Variants in CD99L2 observed in about 807,000 individuals in gnomAD.
The protein encoded by CD99L2 is CD99 molecule like 2, also known as CD99 antigen-like protein 2.
Under a neutral mutation model 27.3 loss-of-function variants are expected in CD99L2, and 24 were observed. That is an observed-to-expected ratio of 0.88 (90% confidence interval 0.64 to 1.24). The LOEUF is 1.24. Among genes scored for constraint, CD99L2 ranks in the 50% most tolerant of loss-of-function variants. The pLI is 0.00. For synonymous variants in CD99L2, 97 were observed against 87.9 expected, an observed-to-expected ratio of 1.10 and a Z score of -0.58; for missense variants, 255 against 221.6, an observed-to-expected ratio of 1.15 and a Z score of -0.96.
rs1293647436 is a variant in CD99L2 at position 150,850,184 on chromosome X, T to C, written c.68-18891A>G. 6.3e-5 allele frequency among the ~76,000 whole-genome samples: 7 copies of C among 111,579 alleles called. No individual in the cohort carries two copies. The East Asian group carries it at 2.0e-3, about 31-fold the overall frequency. On this transcript the variant is annotated intron_variant, in intron 1 of 10. Coordinates refer to ENST00000370377, the MANE Select transcript of CD99L2 (RefSeq NM_031462.4). ...AGATTGTTGAACATGCCTGATCAGG[T>C]TGGAGAGGGAAGCAGGAGGAGCCCA...
At chrX:150,897,971 C>T (rs1199593512) in intron 1 of CD99L2, among the ~76,000 whole-genome samples, 1 of 107,208 alleles carries the variant, frequency 9.3e-6, no homozygotes, top group African/African-American at 3.4e-5. Flanking sequence ...TCTCCTGCTC[C>T]TTGGCAAAAC....
At chrX:150,797,998 C>T (rs73609540) in intron 4 of CD99L2, among the ~76,000 whole-genome samples, 26,012 of 97,737 alleles carry the variant, frequency 0.27, 3,081 homozygotes, top group African/African-American at 0.38. Context: ...GCCGTGACCA[C>T]ACCACTGTAC....
At chrX:150,789,370 C>T (rs1190080031) in intron 7 of CD99L2, among the ~76,000 whole-genome samples, 6 of 111,486 alleles carry the variant, frequency 5.4e-5, no homozygotes, top group Admixed American at 9.5e-5. Flanking sequence ...GATCCACCCG[C>T]GTCGGCCTCC....
intron 1 of CD99L2, among the ~76,000 whole-genome samples, chrX:150,866,813 G>C (rs2047068502): frequency 9.0e-6 from 1 of 111,475 alleles, no homozygotes; most frequent in South Asian, 3.7e-4. Flanking sequence ...GAGTATCACA[G>C]GTACCCCTAC....
At chrX:150,869,610 G>A (rs1224316339) in intron 1 of CD99L2, among the ~76,000 whole-genome samples, 1 of 112,174 alleles carries the variant, frequency 8.9e-6, no homozygotes, top group Non-Finnish European at 1.9e-5. Context: ...AGAGTGCCCT[G>A]AGTGGCTGCC....
rs1257525150 is a variant in CD99L2 at position 150,769,039 on chromosome X, T to C, written c.784A>G (p.Ile262Val). The change falls in exon 11 of 11, where the codon ATC (isoleucine) becomes GTC (valine). Residue 262 changes from isoleucine to valine, a missense_variant. Physicochemically the swap from Ile to Val is conservative, Grantham distance 29. Transcript: ENST00000370377. ...EPPPPPEPAR[I>V] Reference sequence around the variant, plus strand: ...CCTGCAGCTGGACAGGGCCCTCAGATCCGGGCTGGTTCGGGCGGCGGCGGC... The same window carrying C: ...CCTGCAGCTGGACAGGGCCCTCAGACCCGGGCTGGTTCGGGCGGCGGCGGC... 4 of 1,149,576 alleles carry C rather than the reference T, an allele frequency of 3.5e-6. No individual in the cohort carries two copies. In the African/African-American group the frequency reaches 7.6e-5, roughly 22 times the overall value. The allele number at this position is 1,149,576 out of a possible 1,213,427, so 94.7% of individuals were successfully genotyped here.
chrX:150,834,211 G>A (rs1557421136), intron 1 of CD99L2, among the ~76,000 whole-genome samples: 2 of 111,803 alleles, frequency 1.8e-5, no homozygotes, highest in African/African-American at 3.3e-5. Flanking sequence ...ACCAAAATGT[G>A]GGCTGGGCAC....
intron 4 of CD99L2, among the ~76,000 whole-genome samples, chrX:150,798,452 C>G (rs2045850239): frequency 9.0e-6 from 1 of 110,647 alleles, no homozygotes; most frequent in African/African-American, 3.3e-5. Flanking sequence ...GTCTTTTCAA[C>G]AAATGGTGCT....
intron 1 of CD99L2, among the ~76,000 whole-genome samples, chrX:150,890,039 G>T (rs1191746416): frequency 4.5e-5 from 5 of 110,190 alleles, no homozygotes; most frequent in African/African-American, 9.9e-5. Context: ...TGTAGTCCCA[G>T]CTACTCGGGA....
At chrX:150,834,669 A>G (rs1380765855) in intron 1 of CD99L2, among the ~76,000 whole-genome samples, 1 of 111,969 alleles carries the variant, frequency 8.9e-6, no homozygotes, top group Non-Finnish European at 1.9e-5. Context: ...AATGGTATGG[A>G]GGTTCCTCAA....
chrX:150,842,700 C>T (rs1333075403), intron 1 of CD99L2, among the ~76,000 whole-genome samples: 1 of 112,261 alleles, frequency 8.9e-6, no homozygotes, highest in Non-Finnish European at 1.9e-5. Flanking sequence ...CCACATGTGG[C>T]CGTTTAAATT....
At chrX:150,840,214 GAAAA>G (rs1263366276) in intron 1 of CD99L2, among the ~76,000 whole-genome samples, 3 of 75,777 alleles carry the variant, frequency 4.0e-5, no homozygotes, top group African/African-American at 1.5e-4. Flanking sequence ...AAAGAAAAAA[GAAAA>G]AAGAAAGAAA....
chrX:150,775,808 C>G (rs2043541780), intron 9 of CD99L2, among the ~76,000 whole-genome samples: 2 of 112,030 alleles, frequency 1.8e-5, no homozygotes, highest in Non-Finnish European at 3.8e-5. Flanking sequence ...TCCAAAGGCC[C>G]TCATCCGCTT....
chrX:150,803,974 A>G (rs1557420160), intron 4 of CD99L2, among the ~76,000 whole-genome samples: 1 of 112,539 alleles, frequency 8.9e-6, no homozygotes, highest in African/African-American at 3.2e-5. Flanking sequence ...AGATGAAAAT[A>G]TTCCATTTTC....
rs1401740757 is a variant in CD99L2 at position 150,766,537 on chromosome X, C to G, written c.*2497G>C. 8.9e-6 allele frequency: 1 copy of G among 111,809 alleles called. No homozygotes were observed. The highest frequency in any genetic ancestry group is 1.9e-5 in the Non-Finnish European group (1 of 53,188). 9.2% of individuals were successfully genotyped at this position (111,809 alleles called of 1,213,427 possible). On this transcript the variant is annotated 3_prime_UTR_variant, in exon 11 of 11. Transcript: ENST00000370377. ...CCACCCCAGAAGCCACGCACACCTC[C>G]TTCCGCCCAGCTTTATCTTTCCTTG... is the stretch of plus-strand genomic sequence containing the variant.
At chrX:150,844,738 A>C (rs537321117) in intron 1 of CD99L2, among the ~76,000 whole-genome samples, 1 of 111,796 alleles carries the variant, frequency 8.9e-6, no homozygotes, top group African/African-American at 3.2e-5. Flanking sequence ...AATAAATTTA[A>C]ATCACTCCCA....
intron 1 of CD99L2, among the ~76,000 whole-genome samples, chrX:150,849,187 A>G: frequency 8.9e-6 from 1 of 111,760 alleles, no homozygotes; most frequent in Non-Finnish European, 1.9e-5. Flanking sequence ...TAGGCGATGA[A>G]GCCCCAACAG....
intron 9 of CD99L2, among the ~76,000 whole-genome samples, chrX:150,771,644 C>T (rs1373857241): frequency 3.6e-5 from 4 of 112,292 alleles, no homozygotes; most frequent in Non-Finnish European, 5.6e-5. Flanking sequence ...TCCTCTCACA[C>T]GCATCAGGGT....
At chrX:150,870,078 AAAG>A (rs1224056622) in intron 1 of CD99L2, among the ~76,000 whole-genome samples, 4 of 112,123 alleles carry the variant, frequency 3.6e-5, no homozygotes, top group African/African-American at 1.3e-4. Context: ...TCTTGAGATT[AAAG>A]AACAGCCTGC....
Sources: allele counts gnomAD v4.1 joint callset (sites outside exome capture counted in the v4.1 genomes callset), GRCh38; gene constraint gnomAD v4.1.1; transcripts MANE v1.5; gene names NCBI Gene and HGNC (gene_info 2026-07-23, HGNC 2026-07-21).